The following DLG2 variants were observed in gnomAD, a reference collection of about 807,000 sequenced individuals.
The protein encoded by DLG2 is disks large homolog 2.
DLG2 carries 45 observed loss-of-function variants against 132.5 expected under a neutral mutation model. That is an observed-to-expected ratio of 0.34 (90% CI 0.27 to 0.44). The LOEUF is 0.44. DLG2 is among the 20% of genes least tolerant of loss of function. The pLI, the probability that DLG2 is intolerant of heterozygous loss-of-function variation, is 1.00. For synonymous variants in DLG2, 424 were observed against 419.6 expected, an observed-to-expected ratio of 1.01 and a Z score of -0.13; for missense variants, 1,045 against 1,196.9, an observed-to-expected ratio of 0.87 and a Z score of 1.87.
chr11:85,381,150 G>T (rs1235217548), intron 3 of DLG2, among the ~76,000 whole-genome samples: 1 of 152,210 alleles, frequency 6.6e-6, no homozygotes, highest in African/African-American at 2.4e-5. Context: ...AGAGAGCACA[G>T]CCATGCACTT....
chr11:84,244,034 G>A (rs1397884240), intron 8 of DLG2, among the ~76,000 whole-genome samples: 1 of 152,194 alleles, frequency 6.6e-6, no homozygotes, highest in Non-Finnish European at 1.5e-5. Context: ...TTACAACCCA[G>A]TCGTGCATAA....
At chr11:85,459,676 A>T (rs1301337584) in intron 3 of DLG2, among the ~76,000 whole-genome samples, 1 of 152,104 alleles carries the variant, frequency 6.6e-6, no homozygotes, top group African/African-American at 2.4e-5. Context: ...ATGCCCATGT[A>T]GTGACTGGCC....
intron 3 of DLG2, among the ~76,000 whole-genome samples, chr11:85,426,786 C>T (rs2090778626): frequency 6.6e-6 from 1 of 152,050 alleles, no homozygotes; most frequent in South Asian, 2.1e-4. Flanking sequence ...AGAATGACTT[C>T]AATGAGTTGA....
intron 6 of DLG2, among the ~76,000 whole-genome samples, chr11:84,854,734 T>G (rs1229712707): frequency 6.6e-6 from 1 of 152,022 alleles, no homozygotes; most frequent in East Asian, 1.9e-4. Context: ...TTCCTCATTA[T>G]CGAGGCAAGT....
chr11:85,593,175 T>TAG (rs1459633744), intron 3 of DLG2, among the ~76,000 whole-genome samples: 1 of 152,212 alleles, frequency 6.6e-6, no homozygotes, highest in Non-Finnish European at 1.5e-5. Context: ...TGGCTCATTA[T>TAG]AGTCGTTACA....
At chr11:84,367,917 C>T (rs886980496) in intron 7 of DLG2, among the ~76,000 whole-genome samples, 2 of 152,064 alleles carry the variant, frequency 1.3e-5, no homozygotes, top group Non-Finnish European at 2.9e-5. Flanking sequence ...CATTTATCAC[C>T]ACTCTAGAAA....
intron 7 of DLG2, among the ~76,000 whole-genome samples, chr11:84,504,604 G>A (rs2099232973): frequency 6.6e-6 from 1 of 150,536 alleles, no homozygotes. Flanking sequence ...ACCTAAAGTT[G>A]ATTAATAAGT....
chr11:84,288,415 T>A (rs921551166), intron 7 of DLG2, among the ~76,000 whole-genome samples: 3 of 152,076 alleles, frequency 2.0e-5, no homozygotes, highest in Non-Finnish European at 2.9e-5. Context: ...GATTTCTATT[T>A]GATACTTTAG....
chr11:83,800,189 A>G (rs1170285515), intron 17 of DLG2, among the ~76,000 whole-genome samples: 1 of 152,184 alleles, frequency 6.6e-6, no homozygotes, highest in African/African-American at 2.4e-5. Context: ...AGGAGTCAGG[A>G]GTGCTGAGTT....
At chr11:84,752,066 T>C (rs1237131163) in intron 6 of DLG2, among the ~76,000 whole-genome samples, 2 of 152,188 alleles carry the variant, frequency 1.3e-5, no homozygotes, top group Non-Finnish European at 2.9e-5. Flanking sequence ...AAAACTCAAA[T>C]CTTCCACTGC....
chr11:83,523,948 G>A (rs1257415510), intron 21 of DLG2, among the ~76,000 whole-genome samples: 6 of 152,130 alleles, frequency 3.9e-5, no homozygotes, highest in African/African-American at 7.2e-5. Context: ...CAAAAACACC[G>A]TATGCAAATG....
At chr11:84,996,233 C>A (rs2057641511) in intron 6 of DLG2, among the ~76,000 whole-genome samples, 1 of 152,054 alleles carries the variant, frequency 6.6e-6, no homozygotes, top group Admixed American at 6.6e-5. Context: ...ACTTTTTAAT[C>A]CAAAGATTAA....
At chr11:83,485,945 A>C (rs1057315534) in intron 21 of DLG2, among the ~76,000 whole-genome samples, 2 of 152,144 alleles carry the variant, frequency 1.3e-5, no homozygotes, top group Admixed American at 6.6e-5. Flanking sequence ...TTTATGAAAA[A>C]TAATGAACCA....
intron 6 of DLG2, among the ~76,000 whole-genome samples, chr11:84,873,978 A>G (rs189124348): frequency 1.2e-3 from 190 of 152,314 alleles, no homozygotes; most frequent in Non-Finnish European, 2.3e-3. Context: ...GATCTTGCAT[A>G]TAAAGCTCAA....
chr11:84,038,387 A>G (rs2095935762), intron 11 of DLG2, among the ~76,000 whole-genome samples: 1 of 152,170 alleles, frequency 6.6e-6, no homozygotes, highest in Non-Finnish European at 1.5e-5. Context: ...CAACAATCAC[A>G]TGAAAAAAAG....
At chr11:84,766,414 C>T (rs2000818) in intron 6 of DLG2, among the ~76,000 whole-genome samples, 41,911 of 151,688 alleles carry the variant, frequency 0.28, 6,176 homozygotes, top group Admixed American at 0.3. Flanking sequence ...CTTATCATCG[C>T]TCAGGGATAA....
chr11:83,592,624 A>G (rs1477285850), intron 19 of DLG2, among the ~76,000 whole-genome samples: 1 of 151,640 alleles, frequency 6.6e-6, no homozygotes, highest in African/African-American at 2.4e-5. Context: ...AATGGCAACA[A>G]AAGACAAAAT....
chr11:83,690,132 A>G (rs2080710711), intron 18 of DLG2, among the ~76,000 whole-genome samples: 1 of 150,012 alleles, frequency 6.7e-6, no homozygotes, highest in Admixed American at 6.7e-5. Flanking sequence ...ATATAACAAA[A>G]CAGAAATTTA....
At chr11:83,805,020 A>G (rs192677030) in intron 17 of DLG2, among the ~76,000 whole-genome samples, 56 of 152,228 alleles carry the variant, frequency 3.7e-4, no homozygotes, top group African/African-American at 1.2e-3. Flanking sequence ...TTTCTTCAGA[A>G]TCAGGTGAAA....
Sources: allele counts gnomAD v4.1 joint callset (sites outside exome capture counted in the v4.1 genomes callset), GRCh38; gene constraint gnomAD v4.1.1; transcripts MANE v1.5; gene names NCBI Gene and HGNC (gene_info 2026-07-23, HGNC 2026-07-21).